Variants in ZCCHC7 observed in about 807,000 individuals in gnomAD.
ZCCHC7 encodes the protein zinc finger CCHC domain-containing protein 7.
Under a neutral mutation model 52.0 loss-of-function variants are expected in ZCCHC7, and 35 were observed. The observed-to-expected ratio is 0.67, with a 90% CI of 0.51 to 0.89. The LOEUF (loss-of-function observed/expected upper bound fraction) is 0.89, where lower values mean the gene tolerates loss of function less well. Ranked by LOEUF, ZCCHC7 falls within the 40% of genes least tolerant of loss-of-function variation. The pLI, the probability that ZCCHC7 is intolerant of heterozygous loss-of-function variation, is 0.00. For missense variants in ZCCHC7, 574 were observed against 649.1 expected (o/e 0.88, Z 1.26); for synonymous variants, 217 against 221.5 (o/e 0.98, Z 0.18).
intron 2 of ZCCHC7, among the ~76,000 whole-genome samples, chr9:37,209,579 CAT>C (rs1166308295): frequency 5.3e-5 from 8 of 152,010 alleles, no homozygotes; most frequent in African/African-American, 9.7e-5. Context: ...TATGTATACA[CAT>C]GTGTGTATAT....
chr9:37,248,256 A>G (rs1826166973), intron 2 of ZCCHC7, among the ~76,000 whole-genome samples: 2 of 152,328 alleles, frequency 1.3e-5, no homozygotes, highest in African/African-American at 4.8e-5. Context: ...ATTTTTGAAC[A>G]AACAGGTTCA....
intron 2 of ZCCHC7, among the ~76,000 whole-genome samples, chr9:37,295,959 C>T (rs554856397): frequency 6.6e-6 from 1 of 152,164 alleles, no homozygotes; most frequent in East Asian, 1.9e-4. Context: ...TTCTATCAGC[C>T]AAGAGAATTG....
At chr9:37,350,699 C>G (rs1821326317) in intron 7 of ZCCHC7, among the ~76,000 whole-genome samples, 1 of 152,224 alleles carries the variant, frequency 6.6e-6, no homozygotes, top group Non-Finnish European at 1.5e-5. Context: ...CATGAGGCCA[C>G]TAGGCAGATG....
At chr9:37,243,616 C>T (rs1218906116) in intron 2 of ZCCHC7, among the ~76,000 whole-genome samples, 1 of 151,810 alleles carries the variant, frequency 6.6e-6, no homozygotes, top group Non-Finnish European at 1.5e-5. Flanking sequence ...TACACACATA[C>T]TAAACTCTTA....
At chr9:37,260,877 A>G (rs1308681911) in intron 2 of ZCCHC7, among the ~76,000 whole-genome samples, 2 of 152,212 alleles carry the variant, frequency 1.3e-5, no homozygotes, top group Admixed American at 6.5e-5. Flanking sequence ...AGTTCAGACA[A>G]ACTGCTCTAT....
chr9:37,304,112 CT>C, intron 3 of ZCCHC7, 75 bp from the exon 4 acceptor site: 2 of 1,431,080 alleles, frequency 1.4e-6, no homozygotes, highest in South Asian at 2.6e-5. Flanking sequence ...TTATAGTTGT[CT>C]TTAACAAGAG....
intron 2 of ZCCHC7, among the ~76,000 whole-genome samples, chr9:37,243,719 C>G (rs1388920473): frequency 6.6e-6 from 1 of 151,786 alleles, no homozygotes; most frequent in Non-Finnish European, 1.5e-5. Context: ...TTGAATACAA[C>G]AACAAAAAAT....
At chr9:37,249,019 C>T (rs1826199763) in intron 2 of ZCCHC7, among the ~76,000 whole-genome samples, 1 of 152,170 alleles carries the variant, frequency 6.6e-6, no homozygotes. Flanking sequence ...CTCATATCTT[C>T]TTTGGTTTCT....
intron 2 of ZCCHC7, among the ~76,000 whole-genome samples, chr9:37,298,086 A>C (rs1400826574): frequency 2.6e-5 from 4 of 152,246 alleles, no homozygotes; most frequent in Non-Finnish European, 4.4e-5. Flanking sequence ...AGTGAACATT[A>C]GTGTAAGCAT....
intron 1 of ZCCHC7, among the ~76,000 whole-genome samples, chr9:37,122,749 C>T (rs1332776112): frequency 1.3e-5 from 2 of 152,212 alleles, no homozygotes; most frequent in East Asian, 3.8e-4. Flanking sequence ...ACCAGCCTGG[C>T]CAACATGGTG....
intron 2 of ZCCHC7, among the ~76,000 whole-genome samples, chr9:37,299,434 A>G (rs1034046845): frequency 6.6e-6 from 1 of 152,186 alleles, no homozygotes; most frequent in Non-Finnish European, 1.5e-5. Flanking sequence ...AGACCCAGAG[A>G]TCTTAAGTAT....
intron 2 of ZCCHC7, among the ~76,000 whole-genome samples, chr9:37,154,738 A>G (rs1361161538): frequency 2.6e-5 from 4 of 151,818 alleles, no homozygotes; most frequent in Non-Finnish European, 5.9e-5. Flanking sequence ...CAAGCCATCT[A>G]TCTGCCTCTG....
At chr9:37,145,843 G>T (rs1477595194) in intron 2 of ZCCHC7, among the ~76,000 whole-genome samples, 1 of 151,866 alleles carries the variant, frequency 6.6e-6, no homozygotes, top group Non-Finnish European at 1.5e-5. Context: ...TTGAATTGGA[G>T]ATGCTGATCT....
chr9:37,159,962 A>G (rs1204416428), intron 2 of ZCCHC7, among the ~76,000 whole-genome samples: 1 of 152,246 alleles, frequency 6.6e-6, no homozygotes, highest in East Asian at 1.9e-4. Flanking sequence ...ATCTTTGTAA[A>G]CAGTAGAATT....
intron 2 of ZCCHC7, among the ~76,000 whole-genome samples, chr9:37,236,957 C>G (rs958771779): frequency 7.2e-5 from 11 of 152,166 alleles, no homozygotes; most frequent in African/African-American, 2.7e-4. Context: ...TGAACTTCTT[C>G]AAGAGGGGTG....
At chr9:37,296,193 A>G (rs149298896) in intron 2 of ZCCHC7, among the ~76,000 whole-genome samples, 1 of 152,320 alleles carries the variant, frequency 6.6e-6, no homozygotes, top group Non-Finnish European at 1.5e-5. Context: ...ATTGGGCAAA[A>G]GGTAGACAGT....
intron 2 of ZCCHC7, among the ~76,000 whole-genome samples, chr9:37,286,874 T>C (rs868444973): frequency 5.4e-4 from 2 of 3,714 alleles, no homozygotes; most frequent in African/African-American, 1.4e-3. Context: ...CCTCCCCCCC[T>C]CCCCCTTCCC....
chr9:37,356,553 CAAA>C (rs1026703914), intron 8 of ZCCHC7, among the ~76,000 whole-genome samples: 1 of 152,206 alleles, frequency 6.6e-6, no homozygotes, highest in Admixed American at 6.5e-5. Flanking sequence ...CTTTTCTTCA[CAAA>C]GCTAAGATGA....
intron 6 of ZCCHC7, among the ~76,000 whole-genome samples, chr9:37,342,104 G>A (rs1800781735): frequency 6.6e-6 from 1 of 152,168 alleles, no homozygotes; most frequent in Non-Finnish European, 1.5e-5. Context: ...CAGTTATGAT[G>A]TTCTTGTAAT....
Sources: allele counts gnomAD v4.1 joint callset (sites outside exome capture counted in the v4.1 genomes callset), GRCh38; gene constraint gnomAD v4.1.1; transcripts MANE v1.5; gene names NCBI Gene and HGNC (gene_info 2026-07-23, HGNC 2026-07-21).